The following DOCK7 variants were observed in gnomAD, a reference collection of about 807,000 sequenced individuals.
DOCK7 encodes dedicator of cytokinesis protein 7.
Under a neutral mutation model 271.0 loss-of-function variants are expected in DOCK7, and 138 were observed. The ratio of observed to expected loss-of-function variants is 0.51; its 90% CI spans 0.44 to 0.59. The LOEUF is 0.59. Ranked by LOEUF, DOCK7 falls within the 20% of genes least tolerant of loss-of-function variation. DOCK7 has a pLI of 0.00. For missense variants in DOCK7, 2,066 were observed against 2,592.4 expected, an observed-to-expected ratio of 0.80 and a Z score of 4.41; for synonymous variants, 823 against 876.1, an observed-to-expected ratio of 0.94 and a Z score of 1.07.
chr1:62,670,751 T>G (rs1659890403), intron 1 of DOCK7, among the ~76,000 whole-genome samples: 1 of 152,066 alleles, frequency 6.6e-6, no homozygotes, highest in Non-Finnish European at 1.5e-5. Flanking sequence ...ATCAGCGCCC[T>G]GACAAAACAG....
At chr1:62,520,892 G>A (rs1176778109) in intron 31 of DOCK7, among the ~76,000 whole-genome samples, 1 of 152,132 alleles carries the variant, frequency 6.6e-6, no homozygotes, top group Non-Finnish European at 1.5e-5. Flanking sequence ...AGAAAATGTG[G>A]CACATACACA....
intron 13 of DOCK7, among the ~76,000 whole-genome samples, chr1:62,619,377 TG>T (rs1248974824): frequency 4.6e-5 from 7 of 152,220 alleles, no homozygotes. Context: ...CATCCCCCGC[TG>T]GGGATATATT....
At chr1:62,484,368 G>C (rs1039755747) in intron 43 of DOCK7, 3 of 151,554 alleles carry the variant, frequency 2.0e-5, no homozygotes, top group Admixed American at 6.6e-5. Context: ...TCTTTGAATG[G>C]AAAAAAAAGT....
At chr1:62,519,754 A>G (rs998484875) in intron 31 of DOCK7, among the ~76,000 whole-genome samples, 1 of 152,152 alleles carries the variant, frequency 6.6e-6, no homozygotes, top group African/African-American at 2.4e-5. Flanking sequence ...ACTAAGTTGA[A>G]TAAATAAGAT....
chr1:62,535,696 G>A lies in DOCK7; in HGVS notation c.3472-64C>T, dbSNP rs899398026. 31 of 1,448,648 alleles carry A rather than the reference G, an allele frequency of 2.1e-5. No homozygotes were observed. In the African/African-American group the frequency reaches 3.7e-4, roughly 17 times the overall value. 89.7% of individuals were successfully genotyped at this position (1,448,648 alleles called of 1,614,324 possible). ...TGCAACAAAGCATCCTACAGACAGA[G>A]CAATATAAGAAATGAAATACTTTTT... On this transcript the variant is annotated intron_variant, in intron 28 of 49. Coordinates refer to ENST00000635253, the MANE Select transcript of DOCK7 (RefSeq NM_001367561.1).
chr1:62,460,242 C>T (rs1645479939), intron 48 of DOCK7, among the ~76,000 whole-genome samples: 1 of 151,932 alleles, frequency 6.6e-6, no homozygotes, highest in Non-Finnish European at 1.5e-5. Flanking sequence ...CCAAGCTCAC[C>T]CATAAAAATA....
intron 2 of DOCK7, among the ~76,000 whole-genome samples, chr1:62,657,410 T>C (rs1437771512): frequency 3.9e-5 from 6 of 152,096 alleles, no homozygotes; most frequent in African/African-American, 1.4e-4. Flanking sequence ...CACCTATAAC[T>C]AGAGCAATAT....
Position 62,541,708 on chromosome 1 carries a change from T to A in DOCK7, c.3045+900A>T, listed in dbSNP as rs976132215. ...TGGTCAGCAGTAGGCTATTAGTAGT[T>A]AAGTTTTAGGTGAGTCAGAAGTTAT... On this transcript the variant is annotated intron_variant, in intron 25 of 49. Coordinates refer to ENST00000635253, the MANE Select transcript of DOCK7 (RefSeq NM_001367561.1). Among the ~76,000 whole-genome samples, 86 of 152,216 alleles carry A rather than the reference T, an allele frequency of 5.6e-4. 3 individuals carry two copies. The highest frequency in any genetic ancestry group is 1.5e-4 in the Non-Finnish European group (10 of 68,042).
chr1:62,546,108 A>G (rs2149406534), intron 22 of DOCK7, among the ~76,000 whole-genome samples: 1 of 152,302 alleles, frequency 6.6e-6, no homozygotes, highest in African/African-American at 2.4e-5. Context: ...AAAGACAGGT[A>G]AAAGTGAAGA....
intron 34 of DOCK7, 32 bp downstream of exon 34, chr1:62,510,545 C>T (rs769223746): frequency 6.6e-7 from 1 of 1,523,140 alleles, no homozygotes; most frequent in Admixed American, 1.8e-5. Context: ...TCAACACACC[C>T]ATCAGTAACA....
intron 1 of DOCK7, among the ~76,000 whole-genome samples, chr1:62,665,304 A>G (rs1659163218): frequency 2.6e-5 from 4 of 152,116 alleles, no homozygotes. Flanking sequence ...AGGGATTTTA[A>G]TGAAGCCTAT....
chr1:62,547,268 G>A (rs1645741763), intron 22 of DOCK7, among the ~76,000 whole-genome samples: 1 of 152,112 alleles, frequency 6.6e-6, no homozygotes, highest in Non-Finnish European at 1.5e-5. Context: ...CATAATTCAG[G>A]TGTTATAAAG....
intron 8 of DOCK7, chr1:62,635,184 A>G (rs1655108856): frequency 4.2e-6 from 1 of 238,618 alleles, no homozygotes; most frequent in Middle Eastern, 1.4e-3. Context: ...ACTCTCATGT[A>G]AAGTTTATAT....
chr1:62,619,949 A>G lies in DOCK7; in HGVS notation c.1470T>C (p.Ala490=). The G allele has an allele frequency of 6.2e-7, 1 of 1,613,904 alleles. No individual in the cohort carries two copies. The highest frequency in any genetic ancestry group is 8.5e-7 in the Non-Finnish European group (1 of 1,179,876). ...AGACAGAAGATGGCCTTCTCATATC[A>G]GCAAGGAATTTGTAGAGATCTTCAT... is the stretch of plus-strand genomic sequence containing the variant. The part of the protein sequence containing the change: ...LSDEDLYKFL[A]DMRRPSSVLR... Residue 490 remains alanine (A), a synonymous_variant, in exon 13 of 50, where the codon GCT becomes GCC. Transcript: ENST00000635253.
chr1:62,494,365 CTGTGCAGCT>C lies in DOCK7; in HGVS notation c.5118_5126del (p.Ala1707_Gln1709del). The C allele has an allele frequency of 6.2e-7, 1 of 1,613,672 alleles. No homozygotes were observed. The highest frequency in any genetic ancestry group is 8.5e-7 in the Non-Finnish European group (1 of 1,179,654). ...CAAGTGCTGCTGAGTGGACTAGACACTGTGCAGCTTCAGCATGATTGCTTCGTTCTGAGT... is the reference window on the plus strand; with the variant it reads ...CAAGTGCTGCTGAGTGGACTAGACACTCAGCATGATTGCTTCGTTCTGAGT... On this transcript the variant is annotated inframe_deletion, in exon 40 of 50. Coordinates refer to ENST00000635253, the MANE Select transcript of DOCK7 (RefSeq NM_001367561.1).
chr1:62,611,634 T>C (rs1338961825), intron 14 of DOCK7, among the ~76,000 whole-genome samples: 3 of 152,302 alleles, frequency 2.0e-5, no homozygotes, highest in Middle Eastern at 3.4e-3. Context: ...TGTAATAACC[T>C]AGTTTAAGAA....
chr1:62,655,584 C>T (rs1571917088), intron 2 of DOCK7, among the ~76,000 whole-genome samples: 1 of 152,184 alleles, frequency 6.6e-6, no homozygotes, highest in East Asian at 1.9e-4. Context: ...GCTACCATGC[C>T]TCACTAATTT....
At chr1:62,538,557 G>C (rs1645424003) in intron 27 of DOCK7, among the ~76,000 whole-genome samples, 1 of 152,192 alleles carries the variant, frequency 6.6e-6, no homozygotes, top group Non-Finnish European at 1.5e-5. Context: ...AATGCTTAAA[G>C]AATAAAGACA....
chr1:62,685,564 C>T (rs920447043), intron 1 of DOCK7, among the ~76,000 whole-genome samples: 2 of 151,958 alleles, frequency 1.3e-5, no homozygotes, highest in African/African-American at 4.8e-5. Flanking sequence ...ATGCAATCTA[C>T]TTGCTGATAA....
Sources: allele counts gnomAD v4.1 joint callset (sites outside exome capture counted in the v4.1 genomes callset), GRCh38; gene constraint gnomAD v4.1.1; transcripts MANE v1.5; gene names NCBI Gene and HGNC (gene_info 2026-07-23, HGNC 2026-07-21).